BICD1: variants seen among roughly 807,000 people sequenced by gnomAD.
BICD1 encodes the protein protein bicaudal D homolog 1.
A neutral mutation model predicts 92.5 loss-of-function variants in BICD1; 35 were observed. That is an observed-to-expected ratio of 0.38 (90% CI 0.29 to 0.50). The LOEUF (loss-of-function observed/expected upper bound fraction) is 0.50. Among genes scored for constraint, BICD1 ranks in the 20% least tolerant of loss-of-function variants. BICD1 has a pLI of 0.93. For missense variants in BICD1, 950 were observed against 1,189.8 expected, an observed-to-expected ratio of 0.80 and a Z score of 2.97; for synonymous variants, 429 against 465.1, an observed-to-expected ratio of 0.92 and a Z score of 1.00.
intron 5 of BICD1, chr12:32,333,195 G>C: frequency 1.0e-6 from 1 of 984,784 alleles, no homozygotes; most frequent in Non-Finnish European, 1.2e-6. Flanking sequence ...ATGAATATGT[G>C]TCTAAGCTTT....
intron 2 of BICD1, among the ~76,000 whole-genome samples, chr12:32,284,053 T>A (rs1410657866): frequency 6.6e-6 from 1 of 152,242 alleles, no homozygotes; most frequent in Non-Finnish European, 1.5e-5. Flanking sequence ...GATCAGGCCT[T>A]CTTGGCCCCA....
chr12:32,259,629 CA>C (rs34392173), intron 2 of BICD1, among the ~76,000 whole-genome samples: 11,802 of 152,176 alleles, frequency 0.078, 748 homozygotes, highest in East Asian at 0.3. Flanking sequence ...GGAGAGATGG[CA>C]ACACAATGGG....
intron 5 of BICD1, among the ~76,000 whole-genome samples, chr12:32,331,230 T>G (rs142539478): frequency 6.6e-6 from 1 of 152,160 alleles, no homozygotes; most frequent in Non-Finnish European, 1.5e-5. Context: ...AAGCATTCAT[T>G]GATTACATAT....
At chr12:32,270,349 C>T (rs940032479) in intron 2 of BICD1, among the ~76,000 whole-genome samples, 4 of 151,910 alleles carry the variant, frequency 2.6e-5, no homozygotes, top group Non-Finnish European at 4.4e-5. Context: ...TTTTAAAAGT[C>T]GATCAGTTTC....
intron 6 of BICD1, among the ~76,000 whole-genome samples, chr12:32,336,902 A>G (rs2136279409): frequency 6.6e-6 from 1 of 152,320 alleles, no homozygotes; most frequent in Non-Finnish European, 1.5e-5. Context: ...ACTTGAGGCC[A>G]GGAGTTCGAG....
Position 32,156,481 on chromosome 12 carries a change from A to G in BICD1, c.213+48937A>G, listed in dbSNP as rs150008552. Among the ~76,000 whole-genome samples the G allele has an allele frequency of 2.3e-3, 357 of 152,314 alleles. 3 individuals carry two copies. The highest frequency in any genetic ancestry group is 6.8e-3 in the Middle Eastern group (2 of 294). ...GCTGTCACATTACTGAAATCTCAGG[A>G]TATGCTTACAGTAATTGAAGGAAAG... On this transcript the variant is annotated intron_variant, in intron 1 of 9. Transcript: ENST00000652176.
intron 9 of BICD1, among the ~76,000 whole-genome samples, chr12:32,368,253 C>A (rs1939598649): frequency 6.6e-6 from 1 of 152,166 alleles, no homozygotes; most frequent in South Asian, 2.1e-4. Context: ...CCCCGCTACT[C>A]AGGAGGCTGA....
intron 1 of BICD1, among the ~76,000 whole-genome samples, chr12:32,146,819 C>T (rs1194536862): frequency 6.9e-6 from 1 of 144,256 alleles, no homozygotes; most frequent in Non-Finnish European, 1.5e-5. Context: ...TCCTCCCTCC[C>T]TCCCTCCCTC....
intron 2 of BICD1, among the ~76,000 whole-genome samples, chr12:32,225,621 G>GTTTTTGTTTTTGTTTTTT (rs1411722126): frequency 1.1e-5 from 1 of 92,776 alleles, no homozygotes; most frequent in African/African-American, 3.7e-5. Context: ...CTTTTTTTCT[G>GTTTTTGTTTTTGTTTTTT]TTTTTTTTTT....
At chr12:32,129,546 A>C (rs1474797295) in intron 1 of BICD1, among the ~76,000 whole-genome samples, 1 of 150,104 alleles carries the variant, frequency 6.7e-6, no homozygotes, top group Non-Finnish European at 1.5e-5. Flanking sequence ...AAAAAAAAAA[A>C]ATTCTGTAAA....
intron 8 of BICD1, among the ~76,000 whole-genome samples, chr12:32,351,702 A>G (rs1178248850): frequency 6.6e-6 from 1 of 151,542 alleles, no homozygotes; most frequent in East Asian, 1.9e-4. Context: ...CAGGAGTTCA[A>G]GACCAGCCTG....
chr12:32,233,357 TC>T (rs1945955056), intron 2 of BICD1, among the ~76,000 whole-genome samples: 1 of 150,630 alleles, frequency 6.6e-6, no homozygotes, highest in African/African-American at 2.4e-5. Context: ...TTACACATAT[TC>T]CCTTTACTGT....
intron 5 of BICD1, chr12:32,332,377 T>A (rs1275304290): frequency 2.2e-6 from 2 of 929,378 alleles, no homozygotes; most frequent in Non-Finnish European, 2.6e-6. Flanking sequence ...ACCCCTGAAC[T>A]TAAAAGTTAA....
chr12:32,211,442 C>G (rs326629), intron 1 of BICD1, among the ~76,000 whole-genome samples: 1 of 152,172 alleles, frequency 6.6e-6, no homozygotes. Context: ...TCTGGGTCTA[C>G]ATCTGAAATG....
At chr12:32,251,569 T>A (rs1946523142) in intron 2 of BICD1, among the ~76,000 whole-genome samples, 1 of 152,188 alleles carries the variant, frequency 6.6e-6, no homozygotes, top group Non-Finnish European at 1.5e-5. Flanking sequence ...TAATGCTCCT[T>A]GATTTTTATC....
intron 1 of BICD1, among the ~76,000 whole-genome samples, chr12:32,121,912 C>CT (rs1942167549): frequency 6.6e-6 from 1 of 151,392 alleles, no homozygotes; most frequent in African/African-American, 2.4e-5. Context: ...TTCCCAGGCT[C>CT]AAGTGATCCT....
chr12:32,221,511 G>A (rs1024921879), intron 2 of BICD1, among the ~76,000 whole-genome samples: 3 of 151,532 alleles, frequency 2.0e-5, no homozygotes, highest in Non-Finnish European at 4.4e-5. Flanking sequence ...GTGAAATCCC[G>A]TCTCTACTAA....
At chr12:32,183,885 AG>A (rs1944352613) in intron 1 of BICD1, among the ~76,000 whole-genome samples, 1 of 152,114 alleles carries the variant, frequency 6.6e-6, no homozygotes, top group African/African-American at 2.4e-5. Context: ...AGAGGTTGCT[AG>A]GGGGAGGGTG....
chr12:32,138,495 GATTTTTTGACTTTATAATT>G (rs1428927562), intron 1 of BICD1, among the ~76,000 whole-genome samples: 1 of 152,150 alleles, frequency 6.6e-6, no homozygotes, highest in African/African-American at 2.4e-5. Context: ...TCATCTTAAT[GATTTTTTGACTTTATAATT>G]ATTTTTTGAC....
Sources: allele counts gnomAD v4.1 joint callset (sites outside exome capture counted in the v4.1 genomes callset), GRCh38; gene constraint gnomAD v4.1.1; transcripts MANE v1.5; gene names NCBI Gene and HGNC (gene_info 2026-07-23, HGNC 2026-07-21).